The following TRPS1 variants were observed in gnomAD, a reference collection of about 807,000 sequenced individuals.
TRPS1 encodes zinc finger transcription factor Trps1.
TRPS1 carries 6 observed loss-of-function variants against 101.2 expected under a neutral mutation model. That is an observed-to-expected ratio of 0.06 (90% CI 0.03 to 0.12). The LOEUF (loss-of-function observed/expected upper bound fraction) is 0.12, where lower values mean the gene tolerates loss of function less well. Among genes scored for constraint, TRPS1 ranks in the 10% least tolerant of loss-of-function variants. TRPS1 has a pLI of 1.00. For missense variants in TRPS1, 1,363 were observed against 1,567.0 expected (o/e 0.87, Z 2.20); for synonymous variants, 578 against 589.8 (o/e 0.98, Z 0.29).
intron 5 of TRPS1, among the ~76,000 whole-genome samples, chr8:115,472,126 A>C (rs1474749177): frequency 6.6e-6 from 1 of 152,216 alleles, no homozygotes; most frequent in Non-Finnish European, 1.5e-5. Flanking sequence ...CCTACCGCAC[A>C]TTTCCCTTCT....
chr8:115,622,008 T>G (rs1170284007), intron 2 of TRPS1, among the ~76,000 whole-genome samples: 1 of 152,078 alleles, frequency 6.6e-6, no homozygotes, highest in South Asian at 2.1e-4. Context: ...CAAATACCTA[T>G]AAAAGCTCCC....
At chr8:115,572,689 A>G (rs915137978) in intron 5 of TRPS1, among the ~76,000 whole-genome samples, 2 of 150,998 alleles carry the variant, frequency 1.3e-5, no homozygotes, top group African/African-American at 4.9e-5. Flanking sequence ...AGTCATTCCA[A>G]CTCCTCTATT....
chr8:115,490,873 G>C (rs185154627), intron 5 of TRPS1, among the ~76,000 whole-genome samples: 1 of 152,294 alleles, frequency 6.6e-6, no homozygotes, highest in Admixed American at 6.5e-5. Context: ...ATCCAGGAGA[G>C]ATGACAGCTC....
At chr8:115,462,514 T>C (rs2129978781) in intron 5 of TRPS1, among the ~76,000 whole-genome samples, 1 of 152,280 alleles carries the variant, frequency 6.6e-6, no homozygotes, top group South Asian at 2.1e-4. Flanking sequence ...GAATGTAAGA[T>C]GCTTAGAGGA....
chr8:115,485,359 G>A (rs1047386215), intron 5 of TRPS1, among the ~76,000 whole-genome samples: 1 of 152,122 alleles, frequency 6.6e-6, no homozygotes, highest in African/African-American at 2.4e-5. Flanking sequence ...TGAGAACCAC[G>A]GCCCAGCTGA....
chr8:115,474,057 ACT>A (rs1814538412), intron 5 of TRPS1, among the ~76,000 whole-genome samples: 1 of 152,028 alleles, frequency 6.6e-6, no homozygotes, highest in Non-Finnish European at 1.5e-5. Context: ...AAAAAAGAAG[ACT>A]CTAGGTTTAG....
intron 1 of TRPS1, among the ~76,000 whole-genome samples, chr8:115,642,649 T>C (rs1458356542): frequency 6.6e-6 from 1 of 151,894 alleles, no homozygotes; most frequent in African/African-American, 2.4e-5. Context: ...ACACCTTTTC[T>C]ATCAAAAAAT....
chr8:115,551,531 A>G (rs1396755284), intron 5 of TRPS1, among the ~76,000 whole-genome samples: 7 of 152,218 alleles, frequency 4.6e-5, no homozygotes, highest in African/African-American at 7.2e-5. Flanking sequence ...GTATGCCACT[A>G]AAGTCTTTAT....
intron 5 of TRPS1, among the ~76,000 whole-genome samples, chr8:115,436,190 T>A (rs2129856580): frequency 1.3e-5 from 2 of 152,274 alleles, no homozygotes; most frequent in South Asian, 4.1e-4. Flanking sequence ...ATCTTCTGAC[T>A]CATGCAACTG....
intron 5 of TRPS1, among the ~76,000 whole-genome samples, chr8:115,506,800 C>T (rs1384545750): frequency 1.3e-5 from 2 of 152,120 alleles, no homozygotes; most frequent in African/African-American, 4.8e-5. Flanking sequence ...ACAATCAACG[C>T]CTGTCCCATT....
chr8:115,658,860 T>C (rs538229788), intron 1 of TRPS1, among the ~76,000 whole-genome samples: 1 of 152,090 alleles, frequency 6.6e-6, no homozygotes, highest in Non-Finnish European at 1.5e-5. Flanking sequence ...AGGTGCAAGA[T>C]TGTGTACACA....
At chr8:115,608,253 G>C (rs769529771) in intron 3 of TRPS1, among the ~76,000 whole-genome samples, 1 of 152,080 alleles carries the variant, frequency 6.6e-6, no homozygotes, top group Non-Finnish European at 1.5e-5. Flanking sequence ...AAACCCAGCA[G>C]TTCCTTTGGT....
At chr8:115,556,096 C>T (rs971959687) in intron 5 of TRPS1, among the ~76,000 whole-genome samples, 6 of 152,136 alleles carry the variant, frequency 3.9e-5, no homozygotes, top group Admixed American at 2.0e-4. Context: ...TATATCCCAA[C>T]TACTCTACAT....
chr8:115,447,274 G>A (rs1177709074), intron 5 of TRPS1, among the ~76,000 whole-genome samples: 1 of 152,136 alleles, frequency 6.6e-6, no homozygotes. Flanking sequence ...TGAAACAAGA[G>A]ACAAAGCGGA....
chr8:115,421,920 C>T (rs543548767), intron 5 of TRPS1, among the ~76,000 whole-genome samples: 3 of 152,164 alleles, frequency 2.0e-5, no homozygotes, highest in African/African-American at 4.8e-5. Flanking sequence ...ACCAAAGGAA[C>T]GCAGAGTAGA....
Position 115,418,511 on chromosome 8 carries a change from C to T in TRPS1, c.2701-59G>A. The T allele has an allele frequency of 1.2e-6, 2 of 1,612,624 alleles. No individual in the cohort carries two copies. The highest frequency in any genetic ancestry group is 1.1e-5 in the South Asian group (1 of 91,016). ...GAGTCACATGATCAGTGGAGTTAGA[C>T]CAAATCAACCCAGGAGTTTTGTCTT... On this transcript the variant is annotated intron_variant, in intron 5 of 6. Coordinates refer to ENST00000395715, the MANE Select transcript of TRPS1 (RefSeq NM_014112.5). The surrounding 1 kb of genome is among the most constrained non-coding windows in gnomAD (Gnocchi z 4.3).
intron 1 of TRPS1, among the ~76,000 whole-genome samples, chr8:115,654,464 A>G (rs1586499177): frequency 6.6e-6 from 1 of 152,180 alleles, no homozygotes; most frequent in Non-Finnish European, 1.5e-5. Context: ...TGCACATTTC[A>G]AGCCTAATCT....
intron 5 of TRPS1, among the ~76,000 whole-genome samples, chr8:115,549,597 C>T (rs10097784): frequency 1.3e-5 from 2 of 151,280 alleles, no homozygotes; most frequent in Admixed American, 6.6e-5. Flanking sequence ...TTGTGTAGTT[C>T]GCCCAAATGT....
chr8:115,587,548 T>C lies in TRPS1; in HGVS notation c.2153A>G (p.Gln718Arg). Reference sequence around the variant, plus strand: ...AGTGTTGAAGTGCTCCAGTAGTGACTGAGTATCGGCAGCTGTAAAACTGCA... The same window carrying C: ...AGTGTTGAAGTGCTCCAGTAGTGACCGAGTATCGGCAGCTGTAAAACTGCA... The part of the protein sequence containing the change: ...RQCSFTAADT[Q>R]SLLEHFNTVH... The change falls in exon 5 of 7, where the codon CAG becomes CGG. Residue 718 changes from glutamine to arginine, a missense_variant. Coordinates refer to ENST00000395715, the MANE Select transcript of TRPS1 (RefSeq NM_014112.5). The C allele has an allele frequency of 6.2e-7, 1 of 1,614,168 alleles. No individual in the cohort carries two copies.
Sources: gnomAD v4.1 joint callset for allele counts (sites outside exome capture counted in the v4.1 genomes callset) on GRCh38, gnomAD v4.1.1 for gene constraint, Gnocchi (gnomAD v3.1) non-coding constraint, MANE v1.5 for transcripts, NCBI Gene and HGNC (gene_info 2026-07-23, HGNC 2026-07-21) for gene names.